Variants in EYA1 observed in about 807,000 individuals in gnomAD.
EYA1 encodes the protein EYA transcriptional coactivator and phosphatase 1.
A neutral mutation model predicts 82.0 loss-of-function variants in EYA1; 16 were observed. That is an observed-to-expected ratio of 0.20 (90% CI 0.13 to 0.30). The LOEUF is 0.30. Among genes scored for constraint, EYA1 ranks in the 10% least tolerant of loss-of-function variants. EYA1 has a pLI of 1.00. For missense variants in EYA1, 633 were observed against 730.7 expected (o/e 0.87, Z 1.54); for synonymous variants, 261 against 264.4 (o/e 0.99, Z 0.12).
chr8:71,480,474 C>T (rs1002443524), intron 2 of EYA1, among the ~76,000 whole-genome samples: 5 of 152,160 alleles, frequency 3.3e-5, no homozygotes, highest in Admixed American at 3.3e-4. Flanking sequence ...CACGCATTGT[C>T]TTAAAGCATT....
rs191985150 is a variant in EYA1, at chr8:71,328,136, T to G, written c.203-5868A>C. Among the ~76,000 whole-genome samples the G allele has an allele frequency of 2.6e-5, 4 of 152,276 alleles. No individual in the cohort carries two copies. The East Asian group carries it at 7.7e-4, about 29-fold the overall frequency. ...TCCCAAAGTACTGGGATTACACGTG[T>G]GAGCCACTGCACCCAGCCAAGTTCA... On this transcript the variant is annotated intron_variant, in intron 4 of 17. Coordinates refer to ENST00000340726, the MANE Select transcript of EYA1 (RefSeq NM_000503.6).
intron 2 of EYA1, among the ~76,000 whole-genome samples, chr8:71,467,098 T>C (rs1454663200): frequency 1.3e-5 from 2 of 152,120 alleles, no homozygotes; most frequent in African/African-American, 4.8e-5. Flanking sequence ...TATTGTGGTA[T>C]GTTGGAGCTG....
chr8:71,232,453 C>A (rs1811313388), intron 12 of EYA1, among the ~76,000 whole-genome samples: 1 of 152,156 alleles, frequency 6.6e-6, no homozygotes, highest in Non-Finnish European at 1.5e-5. Context: ...TCAGCACAAC[C>A]AAGGAAACGT....
chr8:71,306,467 G>C (rs1820750631), intron 7 of EYA1, among the ~76,000 whole-genome samples: 1 of 152,028 alleles, frequency 6.6e-6, no homozygotes, highest in Admixed American at 6.6e-5. Flanking sequence ...AAAAGCTAGA[G>C]AACCCTTACA....
intron 11 of EYA1, among the ~76,000 whole-genome samples, chr8:71,257,005 A>T (rs1174384184): frequency 2.0e-5 from 3 of 152,182 alleles, no homozygotes; most frequent in African/African-American, 4.8e-5. Context: ...ATCTCAAAAA[A>T]AAAATAAAAT....
chr8:71,322,461 T>A, intron 4 of EYA1, 193 bp from the exon 5 acceptor site: 2 of 598,324 alleles, frequency 3.3e-6, no homozygotes, highest in Non-Finnish European at 6.0e-6. Flanking sequence ...GAGGAATGAA[T>A]AGAAACTGAT....
chr8:71,377,780 T>C (rs547382700), intron 2 of EYA1, among the ~76,000 whole-genome samples: 1 of 152,340 alleles, frequency 6.6e-6, no homozygotes, highest in African/African-American at 2.4e-5. Flanking sequence ...ACCATTCTAC[T>C]TTCTGTCTTT....
chr8:71,491,942 G>T (rs1007150104), intron 2 of EYA1, among the ~76,000 whole-genome samples: 7 of 151,984 alleles, frequency 4.6e-5, no homozygotes, highest in Non-Finnish European at 1.0e-4. Context: ...AAGCTGACTT[G>T]ATTGTACCAA....
intron 9 of EYA1, among the ~76,000 whole-genome samples, chr8:71,287,079 C>A (rs76229697): frequency 6.6e-6 from 1 of 151,632 alleles, no homozygotes; most frequent in Non-Finnish European, 1.5e-5. Context: ...GGATTACAGG[C>A]GTGAGACACC....
intron 2 of EYA1, among the ~76,000 whole-genome samples, chr8:71,390,302 A>G (rs1829205512): frequency 6.7e-6 from 1 of 149,098 alleles, no homozygotes. Flanking sequence ...CCAGAGTCTC[A>G]CTCTGTTGCC....
intron 1 of EYA1, chr8:71,547,638 G>A (rs1815758165): frequency 6.6e-6 from 1 of 151,840 alleles, no homozygotes; most frequent in African/African-American, 2.4e-5. Context: ...CCTGCCCCGG[G>A]GTGGGGCCCA....
At chr8:71,473,600 T>C (rs1404759319) in intron 2 of EYA1, among the ~76,000 whole-genome samples, 1 of 150,704 alleles carries the variant, frequency 6.6e-6, no homozygotes, top group Non-Finnish European at 1.5e-5. Context: ...ACACTGTTGG[T>C]GGGAGTGTAA....
intron 2 of EYA1, among the ~76,000 whole-genome samples, chr8:71,515,388 A>T (rs1364427008): frequency 2.0e-5 from 3 of 152,088 alleles, no homozygotes; most frequent in African/African-American, 7.2e-5. Flanking sequence ...AAACTAATCT[A>T]ATTTATTATT....
At chr8:71,440,714 CTG>C (rs1448283744) in intron 2 of EYA1, among the ~76,000 whole-genome samples, 1 of 152,146 alleles carries the variant, frequency 6.6e-6, no homozygotes, top group Non-Finnish European at 1.5e-5. Context: ...AAATATCTAC[CTG>C]TGTGTCATTA....
intron 2 of EYA1, among the ~76,000 whole-genome samples, chr8:71,370,188 G>T (rs1247669064): frequency 6.6e-6 from 1 of 151,752 alleles, no homozygotes; most frequent in Non-Finnish European, 1.5e-5. Flanking sequence ...GTACTCAATA[G>T]GATGAAAGTA....
Position 71,419,811 on chromosome 8 carries a change from G to T in EYA1, c.34-63300C>A, listed in dbSNP as rs564543598. ...GCTATATTTTATGTATTTGATAAATGAATAATAATAGAAAAATCCTCAAAG... is the reference window on the plus strand; with the variant it reads ...GCTATATTTTATGTATTTGATAAATTAATAATAATAGAAAAATCCTCAAAG... On this transcript the variant is annotated intron_variant, in intron 2 of 18. Coordinates refer to the EYA1 transcript ENST00000643681. 4.3e-3 allele frequency among the ~76,000 whole-genome samples: 648 copies of T among 151,886 alleles called. 3 individuals carry two copies. The highest frequency in any genetic ancestry group is 8.5e-3 in the South Asian group (41 of 4,812).
chr8:71,231,321 C>T (rs1420097892), intron 12 of EYA1, among the ~76,000 whole-genome samples: 1 of 152,182 alleles, frequency 6.6e-6, no homozygotes, highest in Non-Finnish European at 1.5e-5. Context: ...AATCCAATTC[C>T]CTTAGCAGAG....
chr8:71,211,331 T>C, intron 16 of EYA1, 75 bp from the exon 17 acceptor site: 1 of 940,416 alleles, frequency 1.1e-6, no homozygotes, highest in Admixed American at 1.7e-5. Flanking sequence ...ACTTTTTATA[T>C]AAAATGCTTT....
At chr8:71,260,836 A>G (rs908493264) in intron 11 of EYA1, among the ~76,000 whole-genome samples, 1 of 152,222 alleles carries the variant, frequency 6.6e-6, no homozygotes, top group South Asian at 2.1e-4. Flanking sequence ...CTTGTTAAGT[A>G]TGCTCAAATC....
Sources: allele counts gnomAD v4.1 joint callset (sites outside exome capture counted in the v4.1 genomes callset), GRCh38; gene constraint gnomAD v4.1.1; transcripts MANE v1.5; gene names NCBI Gene and HGNC (gene_info 2026-07-23, HGNC 2026-07-21).